The following KRT73 variants were observed in gnomAD, a reference collection of about 807,000 sequenced individuals.
KRT73 encodes keratin 73.
A neutral mutation model predicts 47.2 loss-of-function variants in KRT73; 44 were observed. That is an observed-to-expected ratio of 0.93 (90% confidence interval 0.73 to 1.20). The LOEUF (loss-of-function observed/expected upper bound fraction) is 1.20, where lower values mean the gene tolerates loss of function less well. Among genes scored for constraint, KRT73 ranks in the 50% most tolerant of loss-of-function variants. The pLI, the probability that KRT73 is intolerant of heterozygous loss-of-function variation, is 0.00. For synonymous variants in KRT73, 285 were observed against 291.3 expected (o/e 0.98, Z 0.22); for missense variants, 713 against 704.5 (o/e 1.01, Z -0.14).
Position 52,615,346 on chromosome 12 carries a change from G to C in KRT73, c.663-7C>G, listed in dbSNP as rs769342060. On this transcript the variant is annotated splice_polypyrimidine_tract_variant and splice_region_variant and intron_variant, in intron 2 of 8. Coordinates refer to ENST00000305748, the MANE Select transcript of KRT73 (RefSeq NM_175068.3). ...GTTTATTTCTTCTTCATACCTGCAG[G>C]GAAAGCATCACAGGAAGCAGAGTGT... 5 of 1,613,186 alleles carry C rather than the reference G, an allele frequency of 3.1e-6. No individual in the cohort carries two copies. The East Asian group carries it at 1.1e-4, about 36-fold the overall frequency.
intron 5 of KRT73, chr12:52,612,567 A>C (rs944378366): frequency 6.6e-6 from 1 of 152,174 alleles, no homozygotes; most frequent in African/African-American, 2.4e-5. Flanking sequence ...GCCAACCCTA[A>C]ACAAGGGGCC....
Position 52,618,123 on chromosome 12 carries a change from C to G in KRT73, c.402G>C (p.Glu134Asp), listed in dbSNP as rs1940845725. The change falls in exon 1 of 9, where the codon GAG (glutamate) becomes GAC (aspartate). Residue 134 changes from glutamate (E) to aspartate (D), a missense_variant. By Grantham distance (45) the Glu-to-Asp change is conservative. Transcript: ENST00000305748. ...EIQKVRAQER[E>D]QIKVLNNKFA... is the part of the protein sequence containing the mutation. ...ACTTGTTGTTCAGCACCTTGATCTG[C>G]TCCCGCTCCTGGGCACGCACTTTCT... 6.2e-7 allele frequency: 1 copy of G among 1,613,816 alleles called. No individual in the cohort carries two copies. The highest frequency in any genetic ancestry group is 8.5e-7 in the Non-Finnish European group (1 of 1,179,924).
chr12:52,613,286 T>C (rs918777549), intron 5 of KRT73: 1 of 160,028 alleles, frequency 6.2e-6, no homozygotes, highest in Non-Finnish European at 1.4e-5. Context: ...TAGAAATTAC[T>C]TGATTCCAGA....
In KRT73 at chr12:52,617,111, G is replaced by T. The variant is rs117581315; in HGVS notation, c.448-731C>A. ...CATACAGTGATGTCGTAAACCGAAG[G>T]TCTCCCATTCCCCAGACAAGTTCTA... On this transcript the variant is annotated intron_variant, in intron 1 of 8. Transcript: ENST00000305748. Among the ~76,000 whole-genome samples, 154 of 152,192 alleles carry T rather than the reference G, an allele frequency of 1.0e-3. 2 individuals carry two copies. The East Asian group carries it at 0.029, about 28-fold the overall frequency.
chr12:52,627,881 G>A, the KRT73 span, among the ~76,000 whole-genome samples: 9 of 151,682 alleles, frequency 5.9e-5, no homozygotes, highest in East Asian at 1.5e-3. Flanking sequence ...AGACAGCCAA[G>A]CAAGGATAGA....
At chr12:52,611,423 C>T in intron 5 of KRT73, 94 bp from the exon 6 acceptor site, 1 of 1,518,390 alleles carries the variant, frequency 6.6e-7, no homozygotes, top group Non-Finnish European at 9.0e-7. Flanking sequence ...CAGAGCCTGG[C>T]AGAGGTGGGT....
chr12:52,609,327 C>T, intron 7 of KRT73, 46 bp from the exon 8 acceptor site: 5 of 1,545,120 alleles, frequency 3.2e-6, no homozygotes, highest in Non-Finnish European at 4.5e-6. Context: ...CGTGGACTCC[C>T]ATAGTGGCCC....
At chr12:52,617,481 G>A (rs964762144) in intron 1 of KRT73, among the ~76,000 whole-genome samples, 2 of 152,144 alleles carry the variant, frequency 1.3e-5, no homozygotes, top group South Asian at 2.1e-4. Flanking sequence ...CCACCTTTGA[G>A]AACCACTGCT....
intron 5 of KRT73, chr12:52,612,664 C>G (rs1940726862): frequency 6.6e-6 from 1 of 152,248 alleles, no homozygotes; most frequent in Admixed American, 6.5e-5. Context: ...CTGAGGCAAA[C>G]AGATGAACAT....
chr12:52,630,078 G>T, the KRT73 span, among the ~76,000 whole-genome samples: 1 of 152,194 alleles, frequency 6.6e-6, no homozygotes, highest in Non-Finnish European at 1.5e-5. Context: ...TTTCCCTCTT[G>T]TTCAAGTGAG....
intron 7 of KRT73, among the ~76,000 whole-genome samples, 177 bp from the exon 8 acceptor site, chr12:52,609,458 A>C (rs1940650520): frequency 6.6e-6 from 1 of 151,940 alleles, no homozygotes; most frequent in Non-Finnish European, 1.5e-5. Context: ...CTCGCTCCTC[A>C]ATCTACTCTT....
At chr12:52,617,226 C>T (rs1374783611) in intron 1 of KRT73, among the ~76,000 whole-genome samples, 6 of 152,206 alleles carry the variant, frequency 3.9e-5, no homozygotes, top group Admixed American at 1.3e-4. Context: ...ACCTCACTGT[C>T]GCTCCGGGTG....
intron 8 of KRT73, 134 bp downstream of exon 8, chr12:52,609,113 G>A (rs1465791472): frequency 1.0e-5 from 8 of 776,642 alleles, no homozygotes; most frequent in African/African-American, 1.7e-5. Flanking sequence ...GTCTCAGCAA[G>A]GAAGGTGAGT....
At chr12:52,630,546 C>T in the KRT73 span, among the ~76,000 whole-genome samples, 1 of 152,194 alleles carries the variant, frequency 6.6e-6, no homozygotes, top group African/African-American at 2.4e-5. Flanking sequence ...CTTCCTGCAC[C>T]CACCTATGCT....
intron 7 of KRT73, 41 bp downstream of exon 7, chr12:52,610,574 T>G: frequency 4.4e-6 from 4 of 911,784 alleles, no homozygotes; most frequent in Non-Finnish European, 4.7e-6. Flanking sequence ...AACTTTAAGG[T>G]GGAGACTTGC....
chr12:52,618,917 A>G (rs538896883), upstream of KRT73, among the ~76,000 whole-genome samples: 4 of 152,208 alleles, frequency 2.6e-5, no homozygotes, highest in South Asian at 2.1e-4. Flanking sequence ...TGACAGTGTC[A>G]TCTGTTAGAA....
chr12:52,611,002 A>T (rs540246156), intron 6 of KRT73, 167 bp from the exon 7 acceptor site: 2 of 890,236 alleles, frequency 2.2e-6, no homozygotes, highest in African/African-American at 1.7e-5. Flanking sequence ...GAGGCTTGCT[A>T]CGCTGGGCCC....
At position 52,614,638 on chromosome 12, in the gene KRT73, G is replaced by T; in HGVS notation, c.760C>A (p.Gln254Lys). 1 of 1,613,888 alleles carries T rather than the reference G, an allele frequency of 6.2e-7. No individual in the cohort carries two copies. Among genetic ancestry groups the T allele is most frequent in the South Asian group, 1.1e-5 (1 of 91,042 alleles). The change falls in exon 4 of 9, where the codon CAG becomes AAG. Residue 254 changes from glutamine to lysine, a missense_variant. Coordinates refer to ENST00000305748, the MANE Select transcript of KRT73 (RefSeq NM_175068.3). ...CCATCCAGGGCATCCACCTTGGCCTGCAGCTCCACTTTGCTCGTGTAAGCT... is the reference window on the plus strand; with the variant it reads ...CCATCCAGGGCATCCACCTTGGCCTTCAGCTCCACTTTGCTCGTGTAAGCT... The part of the protein sequence containing the change: ...DAAYTSKVEL[Q>K]AKVDALDGEI...
At chr12:52,624,991 A>C in the KRT73 span, among the ~76,000 whole-genome samples, 35 of 152,286 alleles carry the variant, frequency 2.3e-4, no homozygotes, top group African/African-American at 8.4e-4. Flanking sequence ...TTGCACAAAA[A>C]TTAACTCAAA....
Sources: allele counts gnomAD v4.1 joint callset (sites outside exome capture counted in the v4.1 genomes callset), GRCh38; gene constraint gnomAD v4.1.1; transcripts MANE v1.5; gene names NCBI Gene and HGNC (gene_info 2026-07-23, HGNC 2026-07-21).